The following KCNH7 variants were observed in gnomAD, a reference collection of about 807,000 sequenced individuals.
The protein encoded by KCNH7 is voltage-gated inwardly rectifying potassium channel KCNH7.
Under a neutral mutation model 120.8 loss-of-function variants are expected in KCNH7, and 49 were observed. The observed-to-expected ratio is 0.41, with a 90% CI of 0.32 to 0.51. The LOEUF is 0.51. Among genes scored for constraint, KCNH7 ranks in the 20% least tolerant of loss-of-function variants. KCNH7 has a pLI of 0.38. For missense variants in KCNH7, 1,097 were observed against 1,446.6 expected (o/e 0.76, Z 3.92); for synonymous variants, 547 against 516.1 (o/e 1.06, Z -0.81).
At position 162,373,463 on chromosome 2, in the gene KCNH7, C is replaced by T. The variant is rs1050812723; in HGVS notation, c.3324+7G>A. On this transcript the variant is annotated splice_region_variant and intron_variant, in intron 15 of 15. Transcript: ENST00000332142. ...GACACTCTTGGTTGGATGGTATCCA[C>T]ACTTACTTGTGAGGAAGGGCTGAAA... 2.6e-6 allele frequency: 4 copies of T among 1,513,088 alleles called. No homozygotes were observed. In the African/African-American group the frequency reaches 5.6e-5, roughly 21 times the overall value. The allele number at this position is 1,513,088 out of a possible 1,614,324, so 93.7% of individuals were successfully genotyped here. A position where few individuals can be genotyped will look rare whatever the true frequency, so the allele number is the denominator to read the frequency against.
Position 162,372,047 on chromosome 2 carries a change from A to G in KCNH7, c.3373T>C (p.Ser1125Pro). 4 of 1,613,198 alleles carry G rather than the reference A, an allele frequency of 2.5e-6. No individual in the cohort carries two copies. Among genetic ancestry groups the G allele is most frequent in the Non-Finnish European group, 3.4e-6 (4 of 1,179,358 alleles). Residue 1125 changes from serine to proline, a missense_variant, in exon 16 of 16, where the codon TCC becomes CCC. Transcript: ENST00000332142. ...TTCAGATGCACCCCACTTGAAAGGGATTCTTTGGATTTAAGTTTAGATTTT... is the reference window on the plus strand; with the variant it reads ...TTCAGATGCACCCCACTTGAAAGGGGTTCTTTGGATTTAAGTTTAGATTTT... ...LEKSKLKSKE[S>P]LSSGVHLNTA...
intron 3 of KCNH7, chr2:162,527,837 G>C (rs1338447281): frequency 6.6e-6 from 1 of 151,882 alleles, no homozygotes; most frequent in Non-Finnish European, 1.5e-5. Context: ...AGAAATTTTA[G>C]GTTATTTCTT....
At chr2:162,407,076 G>T (rs778093512) in intron 9 of KCNH7, among the ~76,000 whole-genome samples, 6 of 151,936 alleles carry the variant, frequency 3.9e-5, no homozygotes, top group East Asian at 1.9e-4. Context: ...AATAAGGAAA[G>T]ATTTTCTTGT....
chr2:162,630,128 G>T (rs1169783504), intron 2 of KCNH7, among the ~76,000 whole-genome samples: 1 of 152,028 alleles, frequency 6.6e-6, no homozygotes, highest in Non-Finnish European at 1.5e-5. Context: ...GGCCTGGAAA[G>T]GTCATCCCAT....
intron 2 of KCNH7, among the ~76,000 whole-genome samples, chr2:162,550,707 G>A (rs529513584): frequency 2.4e-4 from 37 of 152,050 alleles, no homozygotes; most frequent in East Asian, 5.8e-4. Context: ...AAATTTGAGC[G>A]TTTCAAAATG....
intron 2 of KCNH7, among the ~76,000 whole-genome samples, chr2:162,645,292 C>A (rs1311742081): frequency 6.6e-6 from 1 of 152,014 alleles, no homozygotes; most frequent in Non-Finnish European, 1.5e-5. Context: ...GGACTACAGG[C>A]ACGTGCCACC....
intron 2 of KCNH7, among the ~76,000 whole-genome samples, chr2:162,791,998 T>C (rs1325157211): frequency 6.6e-6 from 1 of 151,918 alleles, no homozygotes; most frequent in Non-Finnish European, 1.5e-5. Context: ...CATGAAGGGG[T>C]GCTGAATTTT....
chr2:162,824,444 G>T (rs1685217862), intron 2 of KCNH7, among the ~76,000 whole-genome samples: 1 of 152,036 alleles, frequency 6.6e-6, no homozygotes. Context: ...AGCAATCTGG[G>T]AATCCATAAA....
At chr2:162,613,685 C>CA (rs1683046809) in intron 2 of KCNH7, among the ~76,000 whole-genome samples, 2 of 151,418 alleles carry the variant, frequency 1.3e-5, no homozygotes, top group South Asian at 2.1e-4. Flanking sequence ...AACAAACAAA[C>CA]AAAAAACCCA....
chr2:162,630,280 A>G (rs924130647), intron 2 of KCNH7, among the ~76,000 whole-genome samples: 3 of 152,140 alleles, frequency 2.0e-5, no homozygotes, highest in African/African-American at 7.2e-5. Context: ...TCTAGAGCTT[A>G]GAGGAGCATA....
At chr2:162,663,320 T>A (rs796857825) in intron 2 of KCNH7, among the ~76,000 whole-genome samples, 9 of 152,352 alleles carry the variant, frequency 5.9e-5, no homozygotes, top group African/African-American at 2.2e-4. Context: ...AGAAAAAAAT[T>A]TTACATTTGC....
At chr2:162,494,103 T>C (rs1182012980) in intron 6 of KCNH7, among the ~76,000 whole-genome samples, 8 of 152,170 alleles carry the variant, frequency 5.3e-5, no homozygotes, top group African/African-American at 1.9e-4. Flanking sequence ...TAAGATGAGA[T>C]AGAATTATGT....
intron 10 of KCNH7, 32 bp from the exon 11 acceptor site, chr2:162,396,977 A>C (rs781733222): frequency 6.9e-7 from 1 of 1,440,682 alleles, no homozygotes; most frequent in Admixed American, 1.7e-5. Flanking sequence ...GAGGCGGGGA[A>C]AGGGAATCCA....
chr2:162,665,744 G>A (rs947362407), intron 2 of KCNH7, among the ~76,000 whole-genome samples: 5 of 152,056 alleles, frequency 3.3e-5, no homozygotes, highest in Non-Finnish European at 7.4e-5. Context: ...CAGGTATTTT[G>A]CTACATGGAT....
At chr2:162,786,146 G>A (rs915734601) in intron 2 of KCNH7, among the ~76,000 whole-genome samples, 7 of 151,102 alleles carry the variant, frequency 4.6e-5, no homozygotes, top group African/African-American at 1.7e-4. Flanking sequence ...AGGGGGCTGA[G>A]GCAGGGGAAT....
rs528631282 is a variant in KCNH7, at chr2:162,475,278, T to C, written c.1129-28835A>G. 1.5e-3 allele frequency among the ~76,000 whole-genome samples: 226 copies of C among 152,342 alleles called. 1 individual carries two copies. Among genetic ancestry groups the C allele is most frequent in the African/African-American group, 4.6e-3 (193 of 41,574 alleles). On this transcript the variant is annotated intron_variant, in intron 6 of 15. Coordinates refer to ENST00000332142, the MANE Select transcript of KCNH7 (RefSeq NM_033272.4). ...TCCAGGAGGACATTACCGTGTCTAATTGACAGTAAAGCCCTAATAAATTCA... is the reference window on the plus strand; with the variant it reads ...TCCAGGAGGACATTACCGTGTCTAACTGACAGTAAAGCCCTAATAAATTCA...
At chr2:162,442,179 C>A (rs1688442670) in intron 7 of KCNH7, among the ~76,000 whole-genome samples, 1 of 151,224 alleles carries the variant, frequency 6.6e-6, no homozygotes, top group Non-Finnish European at 1.5e-5. Flanking sequence ...GCGCCCGCCA[C>A]CACGCCCAGC....
chr2:162,502,344 A>C (rs1690714231), intron 6 of KCNH7: 1 of 152,096 alleles, frequency 6.6e-6, no homozygotes, highest in Admixed American at 6.6e-5. Context: ...ATATTAATAA[A>C]CATAATAATG....
At chr2:162,691,743 C>T (rs976750338) in intron 2 of KCNH7, among the ~76,000 whole-genome samples, 1 of 152,004 alleles carries the variant, frequency 6.6e-6, no homozygotes, top group African/African-American at 2.4e-5. Context: ...CTCAACACAC[C>T]CCACAACTGA....
Sources: allele counts gnomAD v4.1 joint callset (sites outside exome capture counted in the v4.1 genomes callset), GRCh38; gene constraint gnomAD v4.1.1; transcripts MANE v1.5; gene names NCBI Gene and HGNC (gene_info 2026-07-23, HGNC 2026-07-21).